GFY: variants seen among roughly 807,000 people sequenced by gnomAD.
The protein encoded by GFY is Golgi-associated olfactory signaling regulator.
A neutral mutation model predicts 29.1 loss-of-function variants in GFY; 28 were observed. That is an observed-to-expected ratio of 0.96 (90% CI 0.71 to 1.32). GFY has a LOEUF of 1.32. Ranked by LOEUF, GFY falls within the 40% of genes most tolerant of loss-of-function variation. GFY has a pLI of 0.00. For synonymous variants in GFY, 277 were observed against 274.5 expected (o/e 1.01, Z -0.09); for missense variants, 656 against 661.9 (o/e 0.99, Z 0.10).
intron 1 of GFY, among the ~76,000 whole-genome samples, chr19:49,425,988 G>C (rs534009807): frequency 2.0e-5 from 3 of 152,104 alleles, no homozygotes; most frequent in Non-Finnish European, 2.9e-5. Flanking sequence ...GCCCTCAGCC[G>C]TTAGGAGCCT....
At chr19:49,424,590 C>A (rs1319354696), upstream of GFY, among the ~76,000 whole-genome samples, 1 of 150,998 alleles carries the variant, frequency 6.6e-6, no homozygotes, top group Non-Finnish European at 1.5e-5. Flanking sequence ...GTGGCTCATG[C>A]CTGTAATCCC....
At chr19:49,424,850 T>A (rs58040249), upstream of GFY, among the ~76,000 whole-genome samples, 1,863 of 146,810 alleles carry the variant, frequency 0.013, 42 homozygotes, top group African/African-American at 0.047. Flanking sequence ...AAAAAAAAAA[T>A]TTAAAAAGAG....
chr19:49,428,097 T>G lies in GFY; in HGVS notation c.1335T>G (p.Leu445=). 2 of 1,533,406 alleles carry G rather than the reference T, an allele frequency of 1.3e-6. No individual in the cohort carries two copies. The highest frequency in any genetic ancestry group is 1.7e-6 in the Non-Finnish European group (2 of 1,144,612). 95.0% of individuals were successfully genotyped at this position (1,533,406 alleles called of 1,614,324 possible). ...ARQRPFAHHR[L]PDDGDEPVLH... ...AGCGGCCCTTCGCACATCACCGGCT[T>G]CCGGACGACGGAGATGAACCGGGTG... Residue 445 remains leucine, a synonymous_variant, in exon 3 of 4, where the codon CTT becomes CTG. Coordinates refer to ENST00000610896, the MANE Select transcript of GFY (RefSeq NM_001195256.2).
rs1489597889 is a variant in GFY at position 49,428,126 on chromosome 19, G to T, written c.1357+7G>T. 11 of 1,527,416 alleles carry T rather than the reference G, an allele frequency of 7.2e-6. No individual in the cohort carries two copies. Among genetic ancestry groups the T allele is most frequent in the Non-Finnish European group, 9.7e-6 (11 of 1,139,610 alleles). 94.6% of individuals were successfully genotyped at this position (1,527,416 alleles called of 1,614,324 possible). A position where few individuals can be genotyped will look rare whatever the true frequency, so the allele number is the denominator to read the frequency against. Reference sequence around the variant, plus strand: ...GACGACGGAGATGAACCGGGTGAGCGCCCTGCCCCTTGAATGCCTGCACTT... The same window carrying T: ...GACGACGGAGATGAACCGGGTGAGCTCCCTGCCCCTTGAATGCCTGCACTT... On this transcript the variant is annotated splice_region_variant and intron_variant, in intron 3 of 3. Coordinates refer to ENST00000610896, the MANE Select transcript of GFY (RefSeq NM_001195256.2).
rs1366662682 is a variant in GFY at position 49,428,708 on chromosome 19, C to T, written c.1447C>T (p.Pro483Ser). ...WVPSHIATKQ[P>S]PPTPPLPPKL... is the part of the protein sequence containing the mutation. ...CCCTTCCCACATCGCCACCAAGCAG[C>T]CCCCGCCCACACCTCCTCTGCCACC... Residue 483 changes from proline to serine, a missense_variant, in exon 4 of 4, where the codon CCC (proline) becomes TCC (serine). Physicochemically the swap from Pro to Ser is moderately conservative, Grantham distance 74. Coordinates refer to ENST00000610896, the MANE Select transcript of GFY (RefSeq NM_001195256.2). 2.0e-6 allele frequency: 3 copies of T among 1,531,086 alleles called. No individual in the cohort carries two copies. The highest frequency in any genetic ancestry group is 1.4e-5 in the African/African-American group (1 of 72,734). 94.8% of individuals were successfully genotyped at this position (1,531,086 alleles called of 1,614,324 possible). A position where few individuals can be genotyped will look rare whatever the true frequency, so the allele number is the denominator to read the frequency against.
At chr19:49,428,495 G>A in intron 3 of GFY, 124 bp from the exon 4 acceptor site, 1 of 717,596 alleles carries the variant, frequency 1.4e-6, no homozygotes, top group Admixed American at 3.6e-5. Context: ...CAGTTCAAAT[G>A]CAGAATCGGA....
intron 3 of GFY, among the ~76,000 whole-genome samples, 160 bp from the exon 4 acceptor site, chr19:49,428,459 G>T (rs1246037591): frequency 6.6e-6 from 1 of 151,892 alleles, no homozygotes; most frequent in East Asian, 1.9e-4. Flanking sequence ...TTTCTGCAGC[G>T]GCCCCCACCC....
chr19:49,425,450 CAG>C lies in GFY; in HGVS notation c.-60_-59del, dbSNP rs1469805177. 6.6e-6 allele frequency: 1 copy of C among 152,332 alleles called. No homozygotes were observed. Among genetic ancestry groups the C allele is most frequent in the African/African-American group, 2.4e-5 (1 of 41,428 alleles). The allele number at this position is 152,332 out of a possible 1,614,324, so 9.4% of individuals were successfully genotyped here. The stretch of plus-strand genomic sequence containing the variant: ...TGCAACATTCACCGTTCTCTGCATC[CAG>C]CTCTGCTTATCTGCTGTTACCTTGG... On this transcript the variant is annotated 5_prime_UTR_variant, in exon 1 of 4. Coordinates refer to ENST00000610896, the MANE Select transcript of GFY (RefSeq NM_001195256.2).
At position 49,427,516 on chromosome 19, in the gene GFY, C is replaced by G. The variant is rs1376405834; in HGVS notation, c.1086C>G (p.Pro362=). 6.5e-7 allele frequency: 1 copy of G among 1,528,670 alleles called. No homozygotes were observed. The highest frequency in any genetic ancestry group is 8.7e-7 in the Non-Finnish European group (1 of 1,142,996). The allele number at this position is 1,528,670 out of a possible 1,614,324, so 94.7% of individuals were successfully genotyped here. ...GTCCCCCTGCTCTTCCAGGGCGCCC[C>G]AGTCAGTTGGCCCCTGCCACTCTGC... ...IAGPPALPGR[P]SQLAPATLRA... The change falls in exon 2 of 4, where the codon CCC becomes CCG. Residue 362 remains proline, a synonymous_variant. Coordinates refer to ENST00000610896, the MANE Select transcript of GFY (RefSeq NM_001195256.2).
upstream of GFY, among the ~76,000 whole-genome samples, chr19:49,425,083 G>C (rs145826536): frequency 2.1e-3 from 313 of 151,878 alleles, no homozygotes; most frequent in African/African-American, 7.3e-3. Flanking sequence ...GAAGGAAGGA[G>C]CTAGAGGACT....
intron 3 of GFY, 83 bp from the exon 4 acceptor site, chr19:49,428,536 C>T (rs1157372879): frequency 9.2e-7 from 1 of 1,086,636 alleles, no homozygotes. Flanking sequence ...ATCGGTCGGC[C>T]GCACAAAAGC....
At chr19:49,428,510 T>C in intron 3 of GFY, 109 bp from the exon 4 acceptor site, 1 of 813,820 alleles carries the variant, frequency 1.2e-6, no homozygotes, top group Non-Finnish European at 1.8e-6. Context: ...ATCGGAATCC[T>C]CTCTCCGGCC....
At chr19:49,428,257 C>T in intron 3 of GFY, 138 bp downstream of exon 3, 1 of 1,132,044 alleles carries the variant, frequency 8.8e-7, no homozygotes, top group South Asian at 1.6e-5. Context: ...CAACGTCCAG[C>T]CCCCTAAATG....
At chr19:49,427,894 G>C (rs967391062) in intron 2 of GFY, 52 bp from the exon 3 acceptor site, 81 of 1,502,122 alleles carry the variant, frequency 5.4e-5, no homozygotes, top group Non-Finnish European at 7.0e-5. Flanking sequence ...TGGACCCCTG[G>C]GTCTGAGAGA....
chr19:49,427,454 G>T lies in GFY; in HGVS notation c.1024G>T (p.Glu342Ter). 1 of 1,535,706 alleles carries T rather than the reference G, an allele frequency of 6.5e-7. No homozygotes were observed. Among genetic ancestry groups the T allele is most frequent in the South Asian group, 1.2e-5 (1 of 84,000 alleles). ...LKAPQNSGPK[E>*]SNVPPPSARI... Reference sequence around the variant, plus strand: ...GGCCCCCCAGAACTCTGGCCCTAAGGAGTCCAACGTCCCTCCTCCCTCAGC... The same window carrying T: ...GGCCCCCCAGAACTCTGGCCCTAAGTAGTCCAACGTCCCTCCTCCCTCAGC... The change falls in exon 2 of 4, where the codon GAG (glutamate) becomes TAG (stop). Residue 342 changes from glutamate (E) to a stop codon, truncating the protein, a stop_gained. Coordinates refer to ENST00000610896, the MANE Select transcript of GFY (RefSeq NM_001195256.2). LOFTEE classifies it high-confidence loss of function.
chr19:49,426,606 C>T lies in GFY; in HGVS notation c.176C>T (p.Pro59Leu). The T allele has an allele frequency of 6.5e-7, 1 of 1,536,056 alleles. No homozygotes were observed. Among genetic ancestry groups the T allele is most frequent in the Non-Finnish European group, 8.7e-7 (1 of 1,146,896 alleles). The change falls in exon 2 of 4, where the codon CCA becomes CTA. Residue 59 changes from proline to leucine, a missense_variant. Physicochemically the swap from Pro to Leu is moderately conservative, Grantham distance 98 (BLOSUM62 -3). Transcript: ENST00000610896. ...AATTCCAAACGAGATCGCCTTAACC[C>T]AGAATTTCCTGGGACTCCTTACCCT... ...SENSKRDRLN[P>L]EFPGTPYPEP...
At chr19:49,428,234 G>C (rs2122284379) in intron 3 of GFY, 115 bp downstream of exon 3, 1 of 1,289,114 alleles carries the variant, frequency 7.8e-7, no homozygotes, top group African/African-American at 1.5e-5. Flanking sequence ...TGAAAGCCCT[G>C]GCTCTTCCAT....
At position 49,428,619 on chromosome 19, in the gene GFY, T is replaced by C; in HGVS notation, c.1358T>C (p.Val453Ala). Residue 453 changes from valine (V) to alanine (A), a missense_variant and splice_region_variant, in exon 4 of 4, where the codon GTT (valine) becomes GCT (alanine). Transcript: ENST00000610896. Reference sequence around the variant, plus strand: ...TGACCACGCCCCTTTGCACCCACAGTTCTGCATTTGGACGCCCCGAAAGAC... The same window carrying C: ...TGACCACGCCCCTTTGCACCCACAGCTCTGCATTTGGACGCCCCGAAAGAC... ...HRLPDDGDEP[V>A]LHLDAPKDPY... 1 of 1,472,958 alleles carries C rather than the reference T, an allele frequency of 6.8e-7. No individual in the cohort carries two copies. The highest frequency in any genetic ancestry group is 9.0e-7 in the Non-Finnish European group (1 of 1,107,554). The allele number at this position is 1,472,958 out of a possible 1,614,324, so 91.2% of individuals were successfully genotyped here. A position where few individuals can be genotyped will look rare whatever the true frequency, so the allele number is the denominator to read the frequency against.
chr19:49,426,644 C>A lies in GFY; in HGVS notation c.214C>A (p.Leu72Ile), dbSNP rs1440473261. ...GACTCCTTACCCTGAGCCTTCCAAG[C>A]TACCTCATACGGTTTCCCTGGAAAC... ...PGTPYPEPSK[L>I]PHTVSLETFP... The change falls in exon 2 of 4, where the codon CTA (leucine) becomes ATA (isoleucine). Residue 72 changes from leucine to isoleucine, a missense_variant. Transcript: ENST00000610896. 1 of 1,536,108 alleles carries A rather than the reference C, an allele frequency of 6.5e-7. No individual in the cohort carries two copies. Among genetic ancestry groups the A allele is most frequent in the Admixed American group, 2.0e-5 (1 of 50,988 alleles).
Sources: gnomAD v4.1 joint callset for allele counts (sites outside exome capture counted in the v4.1 genomes callset) on GRCh38, gnomAD v4.1.1 for gene constraint, MANE v1.5 for transcripts, NCBI Gene and HGNC (gene_info 2026-07-23, HGNC 2026-07-21) for gene names.